Variants in WDR7 observed in about 807,000 individuals in gnomAD.
The protein encoded by WDR7 is WD repeat-containing protein 7.
A neutral mutation model predicts 169.4 loss-of-function variants in WDR7; 46 were observed. The ratio of observed to expected loss-of-function variants is 0.27; its 90% confidence interval spans 0.21 to 0.35. The LOEUF (loss-of-function observed/expected upper bound fraction) is 0.35. Among genes scored for constraint, WDR7 ranks in the 10% least tolerant of loss-of-function variants. The pLI is 1.00. For synonymous variants in WDR7, 612 were observed against 666.8 expected (o/e 0.92, Z 1.27); for missense variants, 1,534 against 1,859.3 (o/e 0.83, Z 3.22).
intron 25 of WDR7, among the ~76,000 whole-genome samples, chr18:56,958,310 A>G (rs923673640): frequency 2.6e-5 from 4 of 152,164 alleles, no homozygotes; most frequent in Non-Finnish European, 5.9e-5. Flanking sequence ...TCACTCCTCC[A>G]CAATAACGTG....
intron 26 of WDR7, among the ~76,000 whole-genome samples, chr18:56,981,562 C>A (rs1366801921): frequency 2.0e-5 from 3 of 152,176 alleles, no homozygotes; most frequent in African/African-American, 7.2e-5. Flanking sequence ...AGAGATGCAT[C>A]TGGCAACAAT....
intron 26 of WDR7, among the ~76,000 whole-genome samples, chr18:57,011,031 T>C (rs1257551729): frequency 6.6e-6 from 1 of 152,226 alleles, no homozygotes; most frequent in Non-Finnish European, 1.5e-5. Flanking sequence ...ATTTTGATAA[T>C]TTATAAAGGA....
intron 20 of WDR7, among the ~76,000 whole-genome samples, chr18:56,844,827 G>A (rs2045543794): frequency 6.6e-6 from 1 of 152,096 alleles, no homozygotes; most frequent in South Asian, 2.1e-4. Context: ...CTCTTTCCTG[G>A]TATAGTAGTT....
intron 25 of WDR7, among the ~76,000 whole-genome samples, chr18:56,955,720 C>T (rs1332616892): frequency 1.3e-5 from 2 of 151,910 alleles, no homozygotes; most frequent in African/African-American, 4.8e-5. Flanking sequence ...ATGCACCTAC[C>T]AGTGTTTACT....
intron 27 of WDR7, among the ~76,000 whole-genome samples, chr18:57,023,114 C>G (rs936426112): frequency 3.3e-5 from 5 of 152,186 alleles, no homozygotes; most frequent in Admixed American, 6.5e-5. Flanking sequence ...ATGGAAGATA[C>G]AAAAACAAGT....
intron 22 of WDR7, among the ~76,000 whole-genome samples, chr18:56,935,284 G>T (rs1345145378): frequency 6.6e-6 from 1 of 152,052 alleles, no homozygotes; most frequent in Non-Finnish European, 1.5e-5. Flanking sequence ...TGGTACTAAG[G>T]ATATTTCAAA....
At chr18:57,017,443 T>TGCGC (rs1555726478) in intron 26 of WDR7, among the ~76,000 whole-genome samples, 2 of 139,618 alleles carry the variant, frequency 1.4e-5, no homozygotes, top group African/African-American at 5.3e-5. Flanking sequence ...TGTGTGTGTG[T>TGCGC]GCATGTGTGT....
At chr18:56,726,789 T>C (rs1471175201) in intron 13 of WDR7, among the ~76,000 whole-genome samples, 2 of 152,288 alleles carry the variant, frequency 1.3e-5, no homozygotes, top group African/African-American at 4.8e-5. Flanking sequence ...TCCTGAGAAC[T>C]GTACCCAGTG....
intron 26 of WDR7, among the ~76,000 whole-genome samples, chr18:56,971,778 GA>G (rs1287502651): frequency 1.3e-5 from 2 of 152,122 alleles, no homozygotes; most frequent in Admixed American, 1.3e-4. Context: ...AAAACACAGG[GA>G]AAGCATGCTT....
At chr18:56,746,735 T>C (rs183710419) in intron 14 of WDR7, among the ~76,000 whole-genome samples, 22 of 152,356 alleles carry the variant, frequency 1.4e-4, no homozygotes, top group Admixed American at 6.5e-4. Flanking sequence ...CAGGTAGATG[T>C]ATTTGTTTCC....
chr18:56,941,307 A>G, intron 25 of WDR7, among the ~76,000 whole-genome samples: 1 of 147,672 alleles, frequency 6.8e-6, no homozygotes. Context: ...TAATAATAAT[A>G]ATAACCTGTG....
intron 20 of WDR7, among the ~76,000 whole-genome samples, chr18:56,821,865 G>A (rs937686294): frequency 6.6e-6 from 1 of 152,024 alleles, no homozygotes; most frequent in Non-Finnish European, 1.5e-5. Context: ...TAGGTGTGGT[G>A]GTGCGCACCT....
chr18:56,764,272 A>G (rs971528683), intron 16 of WDR7, among the ~76,000 whole-genome samples: 1 of 152,058 alleles, frequency 6.6e-6, no homozygotes, highest in Non-Finnish European at 1.5e-5. Context: ...CCCATGGATA[A>G]TTTAGTAATC....
intron 14 of WDR7, among the ~76,000 whole-genome samples, chr18:56,744,900 G>T (rs1487749317): frequency 6.6e-6 from 1 of 152,122 alleles, no homozygotes; most frequent in African/African-American, 2.4e-5. Context: ...GGTTTCTCAG[G>T]TAAGGACAGG....
intron 12 of WDR7, 43 bp downstream of exon 12, chr18:56,696,505 C>A: frequency 6.8e-7 from 1 of 1,476,428 alleles, no homozygotes; most frequent in Non-Finnish European, 9.3e-7. Context: ...ATGGTAGAGC[C>A]AAGTTATATT....
intron 16 of WDR7, among the ~76,000 whole-genome samples, chr18:56,760,069 T>G (rs1789129301): frequency 6.6e-6 from 1 of 152,202 alleles, no homozygotes; most frequent in Non-Finnish European, 1.5e-5. Flanking sequence ...ATAAGATCAT[T>G]ATGTAATAGT....
At chr18:56,705,949 G>C (rs1479562538) in intron 12 of WDR7, among the ~76,000 whole-genome samples, 1 of 152,238 alleles carries the variant, frequency 6.6e-6, no homozygotes, top group African/African-American at 2.4e-5. Flanking sequence ...AGTGAGCTGA[G>C]ATTGCGCCAC....
At chr18:56,711,181 C>T (rs530982862) in intron 12 of WDR7, among the ~76,000 whole-genome samples, 6 of 151,738 alleles carry the variant, frequency 4.0e-5, no homozygotes, top group African/African-American at 1.2e-4. Context: ...TTTTAACCTA[C>T]ACGTATTTTC....
intron 21 of WDR7, among the ~76,000 whole-genome samples, chr18:56,883,277 C>G (rs1239701231): frequency 6.7e-6 from 1 of 150,040 alleles, no homozygotes; most frequent in South Asian, 2.1e-4. Flanking sequence ...TGCATTCAGG[C>G]TCTGGGCTGG....
Sources: gnomAD v4.1 joint callset for allele counts (sites outside exome capture counted in the v4.1 genomes callset) on GRCh38, gnomAD v4.1.1 for gene constraint, MANE v1.5 for transcripts, NCBI Gene and HGNC (gene_info 2026-07-23, HGNC 2026-07-21) for gene names.